Variants in LRBA observed in about 807,000 individuals in gnomAD.
LRBA encodes lipopolysaccharide-responsive and beige-like anchor protein.
LRBA carries 176 observed loss-of-function variants against 330.0 expected under a neutral mutation model. The observed-to-expected ratio is 0.53, with a 90% confidence interval of 0.47 to 0.60. The LOEUF (loss-of-function observed/expected upper bound fraction) is 0.60, where lower values mean the gene tolerates loss of function less well. Among genes scored for constraint, LRBA ranks in the 20% least tolerant of loss-of-function variants. The probability of loss-of-function intolerance (pLI) is 0.00; values close to 1 mark genes in which losing one functional copy is unlikely to be tolerated. For synonymous variants in LRBA, 1,230 were observed against 1,193.0 expected (o/e 1.03, Z -0.64); for missense variants, 3,259 against 3,444.8 (o/e 0.95, Z 1.35).
At chr4:150,560,002 C>T (rs1213121978) in intron 40 of LRBA, among the ~76,000 whole-genome samples, 1 of 129,240 alleles carries the variant, frequency 7.7e-6, no homozygotes, top group African/African-American at 2.9e-5. Flanking sequence ...TTTCGTCCAT[C>T]GATGAAACTC....
chr4:150,771,073 A>T (rs770468349), intron 34 of LRBA, among the ~76,000 whole-genome samples: 1 of 152,168 alleles, frequency 6.6e-6, no homozygotes, highest in Non-Finnish European at 1.5e-5. Context: ...CTTCCGGTTC[A>T]ATGGAATCAT....
chr4:150,706,653 A>G (rs896474558), intron 36 of LRBA, among the ~76,000 whole-genome samples: 1 of 151,656 alleles, frequency 6.6e-6, no homozygotes, highest in Non-Finnish European at 1.5e-5. Context: ...TCATAACTAA[A>G]CAAACAAACA....
intron 34 of LRBA, among the ~76,000 whole-genome samples, chr4:150,780,325 T>C (rs779339783): frequency 1.1e-4 from 17 of 152,184 alleles, no homozygotes; most frequent in Non-Finnish European, 2.4e-4. Context: ...ATGTTTATGC[T>C]ATGAAATGGT....
At chr4:150,571,076 A>G (rs1414622301) in intron 40 of LRBA, among the ~76,000 whole-genome samples, 1 of 152,100 alleles carries the variant, frequency 6.6e-6, no homozygotes, top group African/African-American at 2.4e-5. Context: ...CACCAAATCT[A>G]AGTGCCTCTC....
At chr4:150,640,054 C>A (rs1020453120) in intron 37 of LRBA, among the ~76,000 whole-genome samples, 1 of 150,828 alleles carries the variant, frequency 6.6e-6, no homozygotes, top group Non-Finnish European at 1.5e-5. Flanking sequence ...GATGGGATTT[C>A]ACTATGTTAG....
At chr4:150,928,267 T>G (rs1209926929) in intron 4 of LRBA, among the ~76,000 whole-genome samples, 1 of 152,228 alleles carries the variant, frequency 6.6e-6, no homozygotes, top group Non-Finnish European at 1.5e-5. Flanking sequence ...AAATATTGAA[T>G]GTACATTTAA....
intron 47 of LRBA, among the ~76,000 whole-genome samples, chr4:150,407,832 A>C (rs904268845): frequency 2.0e-5 from 3 of 152,172 alleles, no homozygotes; most frequent in Admixed American, 6.5e-5. Flanking sequence ...AACCACAAGA[A>C]TATTAAGAGA....
At chr4:150,518,918 T>C (rs1162755826) in intron 40 of LRBA, among the ~76,000 whole-genome samples, 3 of 152,206 alleles carry the variant, frequency 2.0e-5, no homozygotes, top group African/African-American at 7.2e-5. Flanking sequence ...TGCTTTTTTT[T>C]CCTGAGGACC....
At chr4:150,505,829 A>G (rs74835369) in intron 40 of LRBA, among the ~76,000 whole-genome samples, 91,818 of 151,938 alleles carry the variant, frequency 0.6, 31,083 homozygotes, top group Non-Finnish European at 0.75. Flanking sequence ...TTATTAGACC[A>G]CTAGCAAGAA....
chr4:150,279,137 G>A (rs1225557255), intron 55 of LRBA, among the ~76,000 whole-genome samples: 1 of 152,126 alleles, frequency 6.6e-6, no homozygotes, highest in African/African-American at 2.4e-5. Context: ...CATAAATAAG[G>A]TTTTACCAGA....
intron 37 of LRBA, among the ~76,000 whole-genome samples, chr4:150,664,429 A>G (rs1781391081): frequency 6.6e-6 from 1 of 152,222 alleles, no homozygotes; most frequent in South Asian, 2.1e-4. Context: ...CAAGTGTATC[A>G]TAAAGCATAA....
chr4:150,888,562 T>C (rs918865902), intron 17 of LRBA, among the ~76,000 whole-genome samples: 8 of 152,078 alleles, frequency 5.3e-5, no homozygotes, highest in African/African-American at 1.9e-4. Flanking sequence ...TTTGAAGAGG[T>C]AAAATATTAA....
intron 17 of LRBA, among the ~76,000 whole-genome samples, chr4:150,890,806 A>G (rs535516038): frequency 6.6e-6 from 1 of 152,304 alleles, no homozygotes; most frequent in South Asian, 2.1e-4. Flanking sequence ...AAATTCACAC[A>G]CTAAGACTAA....
chr4:150,859,532 C>G (rs1015805936), intron 22 of LRBA, among the ~76,000 whole-genome samples: 1 of 152,056 alleles, frequency 6.6e-6, no homozygotes, highest in Non-Finnish European at 1.5e-5. Context: ...ACAAACGTTA[C>G]TAGGTGCACT....
intron 34 of LRBA, among the ~76,000 whole-genome samples, chr4:150,768,413 C>A (rs1736078707): frequency 6.6e-6 from 1 of 152,182 alleles, no homozygotes; most frequent in Non-Finnish European, 1.5e-5. Context: ...AATCCCACAT[C>A]TTCTCCCTAT....
At chr4:150,640,077 T>G (rs1245230506) in intron 37 of LRBA, among the ~76,000 whole-genome samples, 2 of 151,230 alleles carry the variant, frequency 1.3e-5, no homozygotes, top group Admixed American at 6.6e-5. Flanking sequence ...AGGCTGGTCT[T>G]GAACTCCTGA....
rs142260391 is a variant in LRBA, at chr4:150,403,712, T to C, written c.7194+11726A>G. 1.6e-4 allele frequency among the ~76,000 whole-genome samples: 25 copies of C among 152,090 alleles called. No individual in the cohort carries two copies. In the East Asian group the frequency reaches 4.8e-3, roughly 29 times the overall value. ...ACCTTAAAGAAAGAAATTATGAAATTAAGAAATAGATGACAAAATATACAC... is the reference window on the plus strand; with the variant it reads ...ACCTTAAAGAAAGAAATTATGAAATCAAGAAATAGATGACAAAATATACAC... On this transcript the variant is annotated intron_variant, in intron 47 of 56. Transcript: ENST00000651943.
At chr4:150,677,635 C>T (rs1441673501) in intron 37 of LRBA, among the ~76,000 whole-genome samples, 1 of 151,752 alleles carries the variant, frequency 6.6e-6, no homozygotes, top group Non-Finnish European at 1.5e-5. Flanking sequence ...GCTTTATATT[C>T]ATTCTTTGAA....
At chr4:150,378,730 T>C (rs1004045930) in intron 47 of LRBA, among the ~76,000 whole-genome samples, 8 of 152,054 alleles carry the variant, frequency 5.3e-5, no homozygotes, top group African/African-American at 1.7e-4. Flanking sequence ...ATACAGGTAA[T>C]GTAGAGAAAG....
Sources: gnomAD v4.1 joint callset for allele counts (sites outside exome capture counted in the v4.1 genomes callset) on GRCh38, gnomAD v4.1.1 for gene constraint, MANE v1.5 for transcripts, NCBI Gene and HGNC (gene_info 2026-07-23, HGNC 2026-07-21) for gene names.